Variants in KANSL1L observed in about 807,000 individuals in gnomAD.
The protein encoded by KANSL1L is KAT8 regulatory NSL complex subunit 1-like protein.
In KANSL1L, 25 loss-of-function variants were observed where a neutral mutation model predicts 108.6. That is an observed-to-expected ratio of 0.23 (90% CI 0.17 to 0.32). The LOEUF (loss-of-function observed/expected upper bound fraction) is 0.32, where lower values mean the gene tolerates loss of function less well. Ranked by LOEUF, KANSL1L falls within the 10% of genes least tolerant of loss-of-function variation. The pLI, the probability that KANSL1L is intolerant of heterozygous loss-of-function variation, is 1.00. For synonymous variants in KANSL1L, 405 were observed against 395.1 expected (o/e 1.03, Z -0.30); for missense variants, 1,137 against 1,125.7 (o/e 1.01, Z -0.14).
intron 1 of KANSL1L, among the ~76,000 whole-genome samples, chr2:210,169,393 T>C (rs1304065520): frequency 1.3e-5 from 2 of 152,246 alleles, no homozygotes; most frequent in Non-Finnish European, 2.9e-5. Flanking sequence ...GATATGCGAA[T>C]GTCTGAGTTA....
chr2:210,128,603 G>A (rs2095090759), intron 3 of KANSL1L, among the ~76,000 whole-genome samples: 1 of 152,076 alleles, frequency 6.6e-6, no homozygotes, highest in Admixed American at 6.6e-5. Context: ...AGAGGAAAGT[G>A]GACAGTTATT....
chr2:210,114,391 T>A (rs1248050766), intron 3 of KANSL1L, among the ~76,000 whole-genome samples: 1 of 152,024 alleles, frequency 6.6e-6, no homozygotes, highest in African/African-American at 2.4e-5. Flanking sequence ...GTAAAAAAAA[T>A]TAAGACACTC....
chr2:210,079,638 A>T (rs5021593), intron 5 of KANSL1L, among the ~76,000 whole-genome samples: 1 of 7,858 alleles, frequency 1.3e-4, no homozygotes, highest in Non-Finnish European at 3.5e-4. Context: ...ATATATATAT[A>T]TATATATATA....
intron 2 of KANSL1L, among the ~76,000 whole-genome samples, chr2:210,140,424 T>C (rs1370118046): frequency 6.6e-6 from 1 of 152,220 alleles, no homozygotes; most frequent in Non-Finnish European, 1.5e-5. Flanking sequence ...CCCTTCCTCA[T>C]TGTGTGCCCG....
rs748637319 is a variant in KANSL1L, at chr2:210,153,706, T to C, written c.877A>G (p.Lys293Glu). 42 of 1,604,534 alleles carry C rather than the reference T, an allele frequency of 2.6e-5. No homozygotes were observed. The highest frequency in any genetic ancestry group is 3.5e-5 in the Non-Finnish European group (41 of 1,176,154). Residue 293 changes from lysine to glutamate, a missense_variant, in exon 2 of 15, where the codon AAG (lysine) becomes GAG (glutamate). By Grantham distance (56) the Lys-to-Glu change is moderately conservative. Transcript: ENST00000281772. ...GNSLPKCTEI[K>E]PEVNTLTAEN... ...GCAGTCAATGTGTTAACTTCTGGCT[T>C]AATTTCAGTGCATTTAGGTAAACTA... is the stretch of plus-strand genomic sequence containing the variant.
At chr2:210,123,849 C>T (rs1239920568) in intron 3 of KANSL1L, among the ~76,000 whole-genome samples, 1 of 151,088 alleles carries the variant, frequency 6.6e-6, no homozygotes, top group Non-Finnish European at 1.5e-5. Context: ...AAAAAAAGCA[C>T]AAGGAGACAG....
intron 6 of KANSL1L, among the ~76,000 whole-genome samples, chr2:210,065,636 A>T (rs1273085669): frequency 2.2e-5 from 3 of 138,492 alleles, no homozygotes; most frequent in African/African-American, 5.4e-5. Flanking sequence ...TCCAGGCTAG[A>T]GTGCAGTGGC....
chr2:210,154,828 T>C (rs1013758697), intron 1 of KANSL1L, among the ~76,000 whole-genome samples: 4 of 152,056 alleles, frequency 2.6e-5, no homozygotes, highest in African/African-American at 9.7e-5. Context: ...AAGCTACACA[T>C]TGCTAGCACA....
chr2:210,159,944 G>A (rs2095352980), intron 1 of KANSL1L, among the ~76,000 whole-genome samples: 1 of 152,166 alleles, frequency 6.6e-6, no homozygotes, highest in Admixed American at 6.5e-5. Context: ...GCTGAGGCAG[G>A]AGAATGGTGT....
intron 5 of KANSL1L, among the ~76,000 whole-genome samples, chr2:210,093,771 T>G (rs914383936): frequency 6.6e-6 from 1 of 152,162 alleles, no homozygotes; most frequent in Non-Finnish European, 1.5e-5. Flanking sequence ...CAAACAGATA[T>G]TTGTTCATCC....
chr2:210,140,469 G>T (rs571548012), intron 2 of KANSL1L, among the ~76,000 whole-genome samples: 34 of 152,114 alleles, frequency 2.2e-4, no homozygotes, highest in Non-Finnish European at 3.5e-4. Flanking sequence ...GGCCATAAAT[G>T]CATGGATTTA....
intron 1 of KANSL1L, among the ~76,000 whole-genome samples, chr2:210,160,286 T>C (rs930407357): frequency 5.3e-5 from 8 of 151,988 alleles, no homozygotes; most frequent in African/African-American, 1.7e-4. Flanking sequence ...TGAGGCAAGG[T>C]AGACATTTCT....
chr2:210,144,808 T>C (rs1309664702), intron 2 of KANSL1L, among the ~76,000 whole-genome samples: 1 of 152,242 alleles, frequency 6.6e-6, no homozygotes, highest in Admixed American at 6.5e-5. Flanking sequence ...AAGATATTCA[T>C]AGATCTTCTA....
intron 5 of KANSL1L, chr2:210,097,088 A>T (rs1370699972): frequency 9.9e-6 from 2 of 201,730 alleles, no homozygotes; most frequent in Non-Finnish European, 1.8e-5. Context: ...GTACTACAGG[A>T]GCACACCACC....
At position 210,154,589 on chromosome 2, in the gene KANSL1L, T is replaced by A; in HGVS notation, c.-7A>T. ...CCCTCAGAGCTGGGGTCATGGCGATTCCTGTAGATAAGTATTGGAAACCTA... is the reference window on the plus strand; with the variant it reads ...CCCTCAGAGCTGGGGTCATGGCGATACCTGTAGATAAGTATTGGAAACCTA... On this transcript the variant is annotated 5_prime_UTR_variant, in exon 2 of 15. Transcript: ENST00000281772. 1 of 1,474,872 alleles carries A rather than the reference T, an allele frequency of 6.8e-7. No homozygotes were observed. Among genetic ancestry groups the A allele is most frequent in the Non-Finnish European group, 9.0e-7 (1 of 1,111,578 alleles). The allele number at this position is 1,474,872 out of a possible 1,614,324, so 91.4% of individuals were successfully genotyped here.
chr2:210,023,101 C>G lies in KANSL1L; in HGVS notation c.2812G>C (p.Asp938His), dbSNP rs1299451236. 6.2e-7 allele frequency: 1 copy of G among 1,614,020 alleles called. No individual in the cohort carries two copies. Among genetic ancestry groups the G allele is most frequent in the Non-Finnish European group, 8.5e-7 (1 of 1,179,926 alleles). ...GCTGTGCTTGACCTTTCAACCTGATCCTTTTTTTCATCTTGACATAATAAG... is the reference window on the plus strand; with the variant it reads ...GCTGTGCTTGACCTTTCAACCTGATGCTTTTTTTCATCTTGACATAATAAG... ...AALLCQDEKK[D>H]QVERSSTAFH... Residue 938 changes from aspartate (D) to histidine (H), a missense_variant, in exon 15 of 15, where the codon GAT becomes CAT. By Grantham distance (81) the Asp-to-His change is moderately conservative. Coordinates refer to ENST00000281772, the MANE Select transcript of KANSL1L (RefSeq NM_152519.4).
At chr2:210,066,796 G>A (rs1575463058) in intron 6 of KANSL1L, among the ~76,000 whole-genome samples, 1 of 152,318 alleles carries the variant, frequency 6.6e-6, no homozygotes, top group East Asian at 1.9e-4. Context: ...GTGGCATTTA[G>A]ATTACTTTGT....
intron 6 of KANSL1L, among the ~76,000 whole-genome samples, chr2:210,070,560 C>G (rs1226327167): frequency 6.6e-6 from 1 of 152,084 alleles, no homozygotes; most frequent in Non-Finnish European, 1.5e-5. Context: ...ACGCCAATCA[C>G]TGGATTTAGG....
At chr2:210,103,354 A>ATACATTAG (rs2094814796) in intron 4 of KANSL1L, among the ~76,000 whole-genome samples, 2 of 152,180 alleles carry the variant, frequency 1.3e-5, no homozygotes, top group African/African-American at 4.8e-5. Flanking sequence ...TAGCATTAGG[A>ATACATTAG]GATAGACCTA....
Sources: gnomAD v4.1 joint callset for allele counts (sites outside exome capture counted in the v4.1 genomes callset) on GRCh38, gnomAD v4.1.1 for gene constraint, MANE v1.5 for transcripts, NCBI Gene and HGNC (gene_info 2026-07-23, HGNC 2026-07-21) for gene names.